The following TANC2 variants were observed in gnomAD, a reference collection of about 807,000 sequenced individuals.
The protein encoded by TANC2 is protein TANC2.
Under a neutral mutation model 210.5 loss-of-function variants are expected in TANC2, and 26 were observed. That is an observed-to-expected ratio of 0.12 (90% CI 0.09 to 0.17). The LOEUF (loss-of-function observed/expected upper bound fraction) is 0.17. Ranked by LOEUF, TANC2 falls within the 10% of genes least tolerant of loss-of-function variation. TANC2 has a pLI of 1.00. For missense variants in TANC2, 2,129 were observed against 2,608.9 expected, an observed-to-expected ratio of 0.82 and a Z score of 4.01; for synonymous variants, 931 against 967.1, an observed-to-expected ratio of 0.96 and a Z score of 0.69.
At chr17:63,285,407 A>C (rs958715238) in intron 9 of TANC2, among the ~76,000 whole-genome samples, 1 of 152,056 alleles carries the variant, frequency 6.6e-6, no homozygotes, top group African/African-American at 2.4e-5. Context: ...CATGTATACT[A>C]TGTAGGTTTA....
Position 63,421,966 on chromosome 17 carries a change from G to T in TANC2, c.*11G>T. On this transcript the variant is annotated 3_prime_UTR_variant, in exon 28 of 28. Transcript: ENST00000689528. The surrounding 1 kb of genome is among the most constrained non-coding windows in gnomAD (Gnocchi z 6.9). The stretch of plus-strand genomic sequence containing the variant: ...GAGTCTAATGTTTAAAAGACGTTTT[G>T]TTGGAGTGAGACCCATATGTTTTCA... 1 of 1,587,894 alleles carries T rather than the reference G, an allele frequency of 6.3e-7. No individual in the cohort carries two copies. The highest frequency in any genetic ancestry group is 8.6e-7 in the Non-Finnish European group (1 of 1,166,794).
intron 8 of TANC2, among the ~76,000 whole-genome samples, chr17:63,252,408 A>G (rs999952025): frequency 2.0e-5 from 3 of 152,058 alleles, no homozygotes; most frequent in Admixed American, 6.6e-5. Flanking sequence ...TAAATGTACA[A>G]TATTGTACAT....
chr17:63,376,630 C>G (rs970466123), intron 14 of TANC2, among the ~76,000 whole-genome samples: 2 of 152,032 alleles, frequency 1.3e-5, no homozygotes, highest in African/African-American at 4.8e-5. Flanking sequence ...TACAGAATTT[C>G]TAAATTGTAG....
At position 62,966,660 on chromosome 17, in the gene TANC2, G is replaced by A. The variant is rs1027796903; in HGVS notation, c.-113G>A. On this transcript the variant is annotated 5_prime_UTR_variant, in exon 1 of 28. Coordinates refer to ENST00000689528, the Ensembl canonical transcript of TANC2. This position sits in a 1 kb window ranked among gnomAD's most constrained non-coding sequence, Gnocchi z 5.1. ...GACTGCGAGGTGCTCCGGGAATCGC[G>A]GGCGGCGCCGGCGGGCGGCGCGGTC... 2.0e-5 allele frequency among the ~76,000 whole-genome samples: 3 copies of A among 151,892 alleles called. No homozygotes were observed. Among genetic ancestry groups the A allele is most frequent in the African/African-American group, 4.8e-5 (2 of 41,410 alleles).
intron 2 of TANC2, among the ~76,000 whole-genome samples, chr17:63,055,980 AAAAAAAAAAAATATATATATATATATAT>A (rs2035769020): frequency 3.8e-5 from 1 of 26,654 alleles, no homozygotes; most frequent in African/African-American, 8.5e-5. Flanking sequence ...AAAAAAAAAA[AAAAAAAAAAAATATATATATATATATAT>A]ATATATATAT....
intron 13 of TANC2, among the ~76,000 whole-genome samples, chr17:63,352,171 T>A (rs2046631062): frequency 6.6e-6 from 1 of 152,142 alleles, no homozygotes; most frequent in Non-Finnish European, 1.5e-5. Context: ...TTATAAAAAT[T>A]ATTTCCTCCT....
chr17:62,969,095 A>G (rs1204060266), intron 1 of TANC2, among the ~76,000 whole-genome samples: 2 of 152,128 alleles, frequency 1.3e-5, no homozygotes, highest in African/African-American at 2.4e-5. Flanking sequence ...AAAAATCTGC[A>G]TAGGAGTAGA....
chr17:63,377,704 C>G (rs2047469474), intron 14 of TANC2, among the ~76,000 whole-genome samples: 1 of 152,172 alleles, frequency 6.6e-6, no homozygotes, highest in Non-Finnish European at 1.5e-5. Flanking sequence ...AAAGTTGCTT[C>G]CACATTTTTG....
chr17:63,161,578 T>G (rs1035162132), intron 5 of TANC2, among the ~76,000 whole-genome samples: 5 of 152,138 alleles, frequency 3.3e-5, no homozygotes, highest in African/African-American at 9.7e-5. Context: ...TCTTGTTTTC[T>G]TCCTAATTCT....
intron 11 of TANC2, among the ~76,000 whole-genome samples, chr17:63,330,359 A>AG (rs1379046881): frequency 6.6e-6 from 1 of 152,244 alleles, no homozygotes; most frequent in Non-Finnish European, 1.5e-5. Flanking sequence ...AATTGATGAA[A>AG]GTGGCTACAC....
At chr17:63,031,123 C>T (rs533273408) in intron 2 of TANC2, among the ~76,000 whole-genome samples, 1 of 2,930 alleles carries the variant, frequency 3.4e-4, no homozygotes, top group African/African-American at 4.4e-4. Context: ...ACCAGCAGAT[C>T]ATCCCAGAAG....
rs1484029995 is a variant in TANC2, at chr17:63,063,562, GTGTGTGTGTGTGT to G, written c.68-10380_68-10368del. ...TGTGTGTGTGTGTGTGTGTGTGTGT[GTGTGTGTGTGTGT>G]AGATATATCTCTTACAGTATCACAC... On this transcript the variant is annotated intron_variant, in intron 2 of 27. Coordinates refer to ENST00000689528, the Ensembl canonical transcript of TANC2. Among the ~76,000 whole-genome samples the G allele has an allele frequency of 7.4e-4, 82 of 111,356 alleles. No individual in the cohort carries two copies. The East Asian group carries it at 8.6e-3, about 12-fold the overall frequency. 73.1% of individuals were successfully genotyped at this position (111,356 alleles called of 152,430 possible).
Position 63,411,961 on chromosome 17 carries a change from C to G in TANC2, c.3766-37C>G, listed in dbSNP as rs780020719. The G allele has an allele frequency of 2.5e-6, 4 of 1,611,596 alleles. No individual in the cohort carries two copies. The Admixed American group carries it at 5.0e-5, about 20-fold the overall frequency. On this transcript the variant is annotated intron_variant, in intron 22 of 27. Coordinates refer to ENST00000689528, the Ensembl canonical transcript of TANC2. ...TCGGTGGAACAGTGCTGAGCCATTA[C>G]GCCTGTCCTAACTTCTCTGCTTGAT...
chr17:63,207,044 CT>C (rs1402507165), intron 7 of TANC2, among the ~76,000 whole-genome samples: 2 of 151,976 alleles, frequency 1.3e-5, no homozygotes, highest in Non-Finnish European at 2.9e-5. Context: ...TCCCATTTCT[CT>C]ATTCATACCC....
At chr17:63,059,611 A>ATT (rs199976576) in intron 2 of TANC2, among the ~76,000 whole-genome samples, 57 of 148,084 alleles carry the variant, frequency 3.8e-4, no homozygotes, top group African/African-American at 4.0e-4. Context: ...TCAAAGCTTG[A>ATT]TTTTTTTTTT....
At chr17:63,021,824 A>C (rs1469722484) in intron 2 of TANC2, among the ~76,000 whole-genome samples, 2 of 152,250 alleles carry the variant, frequency 1.3e-5, no homozygotes, top group Non-Finnish European at 2.9e-5. Context: ...ACACCAAGAA[A>C]TCCCTAGGAC....
chr17:63,401,243 T>TG (rs1012493737), intron 19 of TANC2, among the ~76,000 whole-genome samples: 75 of 152,304 alleles, frequency 4.9e-4, no homozygotes, highest in African/African-American at 1.8e-3. Context: ...AGCTAGTTGG[T>TG]GGGGGCTCAT....
At chr17:63,228,507 A>C (rs141930729) in intron 7 of TANC2, among the ~76,000 whole-genome samples, 1 of 152,310 alleles carries the variant, frequency 6.6e-6, no homozygotes, top group Non-Finnish European at 1.5e-5. Context: ...TTGAATCTAT[A>C]AATTACTTTG....
rs746303057 is a variant in TANC2 at position 63,009,643 on chromosome 17, C to G, written c.67+17C>G. The G allele has an allele frequency of 3.7e-6, 6 of 1,606,308 alleles. No homozygotes were observed. The South Asian group carries it at 6.6e-5, about 18-fold the overall frequency. On this transcript the variant is annotated intron_variant, in intron 2 of 27. Coordinates refer to ENST00000689528, the Ensembl canonical transcript of TANC2. ...GGTCAAGTGGTAAGTGACTATGCTA[C>G]ATTTATTGTGCGTGATATTTTACAA...
Sources: gnomAD v4.1 joint callset for allele counts (sites outside exome capture counted in the v4.1 genomes callset) on GRCh38, gnomAD v4.1.1 for gene constraint, Gnocchi (gnomAD v3.1) non-coding constraint, MANE v1.5 for transcripts, NCBI Gene and HGNC (gene_info 2026-07-23, HGNC 2026-07-21) for gene names.